PRKG1: variants seen among roughly 807,000 people sequenced by gnomAD.
The protein encoded by PRKG1 is protein kinase cGMP-dependent 1, also known as cGMP-dependent protein kinase 1.
PRKG1 carries 35 observed loss-of-function variants against 88.1 expected under a neutral mutation model. The observed-to-expected ratio is 0.40, with a 90% CI of 0.30 to 0.53. PRKG1 has a LOEUF of 0.53. Ranked by LOEUF, PRKG1 falls within the 20% of genes least tolerant of loss-of-function variation. PRKG1 has a pLI of 0.59. For missense variants in PRKG1, 540 were observed against 839.8 expected (o/e 0.64, Z 4.41); for synonymous variants, 303 against 292.5 (o/e 1.04, Z -0.37).
intron 4 of PRKG1, among the ~76,000 whole-genome samples, chr10:51,856,480 C>A (rs575750002): frequency 7.0e-4 from 106 of 152,320 alleles, no homozygotes; most frequent in Non-Finnish European, 1.2e-3. Context: ...TGCAGGAGTT[C>A]AAATTCTTAC....
rs560554609 is a variant in PRKG1 at position 51,498,063 on chromosome 10, C to T, written c.592+30227C>T. Among the ~76,000 whole-genome samples, 10 of 152,222 alleles carry T rather than the reference C, an allele frequency of 6.6e-5. No individual in the cohort carries two copies. The South Asian group carries it at 1.9e-3, about 28-fold the overall frequency. On this transcript the variant is annotated intron_variant, in intron 3 of 17. Coordinates refer to ENST00000373980, the MANE Select transcript of PRKG1 (RefSeq NM_006258.4). ...AAGGAGTGCTTTAAGCAGTGGGACG[C>T]TAGGAGTTTCTTGTTCATGGGTTAG... is the stretch of plus-strand genomic sequence containing the variant.
chr10:52,189,104 A>T (rs907394652), intron 9 of PRKG1, among the ~76,000 whole-genome samples: 1 of 152,206 alleles, frequency 6.6e-6, no homozygotes, highest in African/African-American at 2.4e-5. Flanking sequence ...AGTTTTTGTC[A>T]ATTTTTATCA....
chr10:51,386,096 T>G (rs1296873496), intron 2 of PRKG1, among the ~76,000 whole-genome samples: 1 of 152,166 alleles, frequency 6.6e-6, no homozygotes, highest in African/African-American at 2.4e-5. Context: ...AATTATATGG[T>G]GTAAGTTGCA....
chr10:51,146,559 A>G (rs1845953095), intron 1 of PRKG1, among the ~76,000 whole-genome samples: 1 of 152,000 alleles, frequency 6.6e-6, no homozygotes. Flanking sequence ...TTTGCTATGA[A>G]GAAGCTTTTT....
chr10:51,639,416 G>A lies in PRKG1; in HGVS notation c.593-165169G>A, dbSNP rs545888022. Among the ~76,000 whole-genome samples, 6 of 109,920 alleles carry A rather than the reference G, an allele frequency of 5.5e-5. No homozygotes were observed. The East Asian group carries it at 1.3e-3, about 23-fold the overall frequency. 72.1% of individuals were successfully genotyped at this position (109,920 alleles called of 152,430 possible). On this transcript the variant is annotated intron_variant, in intron 3 of 17. Coordinates refer to ENST00000373980, the MANE Select transcript of PRKG1 (RefSeq NM_006258.4). ...GCCACTACACTCCAGCCTGGGCGGC[G>A]ACAGAGCCAGACTCCATCTCAAAAA...
At chr10:51,456,511 A>T (rs1839590003) in intron 2 of PRKG1, among the ~76,000 whole-genome samples, 1 of 152,216 alleles carries the variant, frequency 6.6e-6, no homozygotes, top group Non-Finnish European at 1.5e-5. Flanking sequence ...TAGGAAAAAA[A>T]AACACTTTTA....
At chr10:52,012,765 T>C (rs1589516738) in intron 5 of PRKG1, among the ~76,000 whole-genome samples, 1 of 152,162 alleles carries the variant, frequency 6.6e-6, no homozygotes, top group Non-Finnish European at 1.5e-5. Flanking sequence ...ATATTATTAT[T>C]GATAGTTAAT....
At chr10:51,763,875 TGAG>T (rs1246150313) in intron 3 of PRKG1, among the ~76,000 whole-genome samples, 3 of 152,188 alleles carry the variant, frequency 2.0e-5, no homozygotes, top group African/African-American at 7.2e-5. Context: ...CATCACATGG[TGAG>T]GAGACTAGCT....
At chr10:51,673,503 G>C (rs1195358595) in intron 3 of PRKG1, among the ~76,000 whole-genome samples, 1 of 152,012 alleles carries the variant, frequency 6.6e-6, no homozygotes, top group Non-Finnish European at 1.5e-5. Context: ...TTTCAGTAAG[G>C]GGAAAATCAT....
intron 3 of PRKG1, among the ~76,000 whole-genome samples, chr10:51,492,878 G>A (rs1207039883): frequency 1.3e-5 from 2 of 152,062 alleles, no homozygotes; most frequent in Non-Finnish European, 2.9e-5. Flanking sequence ...ACAAGTGTTA[G>A]CCTGCACATC....
chr10:52,053,460 A>G (rs1435150376), intron 5 of PRKG1, among the ~76,000 whole-genome samples: 3 of 152,216 alleles, frequency 2.0e-5, no homozygotes, highest in Non-Finnish European at 2.9e-5. Context: ...TGGATACTGC[A>G]TGTAAACCAC....
chr10:51,813,370 A>G (rs1057284076), intron 4 of PRKG1, among the ~76,000 whole-genome samples: 3 of 152,226 alleles, frequency 2.0e-5, no homozygotes, highest in African/African-American at 7.2e-5. Context: ...CGTAGGCAAG[A>G]TTCTTTACAT....
chr10:51,441,171 G>A (rs1016669089), intron 2 of PRKG1, among the ~76,000 whole-genome samples: 1 of 151,292 alleles, frequency 6.6e-6, no homozygotes, highest in South Asian at 2.1e-4. Context: ...GCAGTTTATT[G>A]AAAAAAAAGT....
intron 2 of PRKG1, among the ~76,000 whole-genome samples, chr10:51,374,093 A>AATATATATATATAT (rs58198784): frequency 3.0e-5 from 3 of 100,144 alleles, no homozygotes; most frequent in African/African-American, 6.8e-5. Flanking sequence ...AAAAAAAAAA[A>AATATATATATATAT]ATATATATAT....
chr10:52,080,096 AC>A (rs1313890618), intron 7 of PRKG1, among the ~76,000 whole-genome samples: 5 of 152,168 alleles, frequency 3.3e-5, no homozygotes, highest in Non-Finnish European at 5.9e-5. Flanking sequence ...GGCTTTATCT[AC>A]CACTATACTA....
At chr10:52,074,264 C>G (rs1394334603) in intron 7 of PRKG1, among the ~76,000 whole-genome samples, 3 of 152,122 alleles carry the variant, frequency 2.0e-5, no homozygotes, top group African/African-American at 7.2e-5. Context: ...GACTTTTCTT[C>G]TAGAGGAAAG....
chr10:51,929,740 A>G (rs1057361936), intron 5 of PRKG1, among the ~76,000 whole-genome samples: 3 of 152,202 alleles, frequency 2.0e-5, no homozygotes, highest in Admixed American at 6.5e-5. Flanking sequence ...ATTAACATAA[A>G]TTCTAGATAT....
rs192750506 is a variant in PRKG1 at position 51,163,459 on chromosome 10, G to C, written c.478+10129G>C. On this transcript the variant is annotated intron_variant, in intron 2 of 17. Transcript: ENST00000373980. ...CCGGTCTACAGCTCCCAGCATGAGC[G>C]ACGCAGAAGACGGGTGATTTCTGCA... Among the ~76,000 whole-genome samples, 258 of 152,294 alleles carry C rather than the reference G, an allele frequency of 1.7e-3. 5 individuals are homozygous for C. The highest frequency in any genetic ancestry group is 3.8e-4 in the Non-Finnish European group (26 of 68,032).
intron 10 of PRKG1, among the ~76,000 whole-genome samples, chr10:52,259,839 A>G (rs1841391544): frequency 6.6e-6 from 1 of 152,124 alleles, no homozygotes; most frequent in South Asian, 2.1e-4. Flanking sequence ...TCCCTGAAGT[A>G]AACTGGCATA....
Sources: gnomAD v4.1 joint callset for allele counts (sites outside exome capture counted in the v4.1 genomes callset) on GRCh38, gnomAD v4.1.1 for gene constraint, MANE v1.5 for transcripts, NCBI Gene and HGNC (gene_info 2026-07-23, HGNC 2026-07-21) for gene names.